WWC2: variants seen among roughly 807,000 people sequenced by gnomAD.
The protein encoded by WWC2 is WW and C2 domain containing 2.
In WWC2, 101 loss-of-function variants were observed where a neutral mutation model predicts 138.5. That is an observed-to-expected ratio of 0.73 (90% CI 0.62 to 0.86). WWC2 has a LOEUF of 0.86. Among genes scored for constraint, WWC2 ranks in the 40% least tolerant of loss-of-function variants. The pLI, the probability that WWC2 is intolerant of heterozygous loss-of-function variation, is 0.00. For synonymous variants in WWC2, 558 were observed against 538.4 expected, an observed-to-expected ratio of 1.04 and a Z score of -0.50; for missense variants, 1,420 against 1,419.4, an observed-to-expected ratio of 1.00 and a Z score of -0.01.
intron 1 of WWC2, among the ~76,000 whole-genome samples, chr4:183,183,860 C>A (rs958835514): frequency 6.6e-6 from 1 of 151,606 alleles, no homozygotes; most frequent in Non-Finnish European, 1.5e-5. Context: ...TTGTATTTGG[C>A]GTTTCTTTTT....
rs151110173 is a variant in WWC2 at position 183,162,511 on chromosome 4, C to T, written c.132-31088C>T. ...ACTTTCCTTCAGCAAACATCACCAT[C>T]GTTTTATTGTCTTTATTGAACTCTT... On this transcript the variant is annotated intron_variant, in intron 1 of 22. Coordinates refer to ENST00000403733, the MANE Select transcript of WWC2 (RefSeq NM_024949.6). Among the ~76,000 whole-genome samples the T allele has an allele frequency of 2.3e-3, 349 of 152,230 alleles. 2 individuals are homozygous for T. The highest frequency in any genetic ancestry group is 7.8e-3 in the African/African-American group (324 of 41,536).
At chr4:183,207,910 C>A in intron 2 of WWC2, 43 bp from the exon 3 acceptor site, 1 of 1,525,320 alleles carries the variant, frequency 6.6e-7, no homozygotes. Context: ...AGCCGGAAAA[C>A]AAAGTTAAAT....
intron 1 of WWC2, among the ~76,000 whole-genome samples, chr4:183,184,102 A>T (rs1734724315): frequency 6.6e-6 from 1 of 152,208 alleles, no homozygotes; most frequent in Admixed American, 6.5e-5. Context: ...GAACATTGTC[A>T]TCCTCCTCCA....
intron 21 of WWC2, among the ~76,000 whole-genome samples, chr4:183,300,763 T>A (rs1055572901): frequency 4.0e-5 from 6 of 151,002 alleles, no homozygotes; most frequent in Non-Finnish European, 8.9e-5. Context: ...TTTTTTTTTA[T>A]AAAACAAAGC....
At chr4:183,248,349 T>C (rs768899514) in intron 6 of WWC2, among the ~76,000 whole-genome samples, 4 of 152,236 alleles carry the variant, frequency 2.6e-5, no homozygotes, top group Non-Finnish European at 5.9e-5. Context: ...GTTATAGATA[T>C]TCTGTTTCCA....
chr4:183,215,884 C>T (rs978868163), intron 4 of WWC2, among the ~76,000 whole-genome samples: 1 of 152,016 alleles, frequency 6.6e-6, no homozygotes, highest in Non-Finnish European at 1.5e-5. Flanking sequence ...ATTAATTTTT[C>T]CTGTTAGAGA....
chr4:183,111,803 T>C (rs1732241060), intron 1 of WWC2, among the ~76,000 whole-genome samples: 1 of 151,632 alleles, frequency 6.6e-6, no homozygotes, highest in African/African-American at 2.4e-5. Context: ...CAGGTGATCC[T>C]CCCACCTCAG....
chr4:183,109,624 A>G (rs899723027), intron 1 of WWC2, among the ~76,000 whole-genome samples: 1 of 152,222 alleles, frequency 6.6e-6, no homozygotes, highest in Non-Finnish European at 1.5e-5. Flanking sequence ...TAATGCCACC[A>G]CTGATCTGAC....
At position 183,284,341 on chromosome 4, in the gene WWC2, T is replaced by C. The variant is rs1010305627; in HGVS notation, c.2999T>C (p.Val1000Ala). The C allele has an allele frequency of 1.2e-6, 2 of 1,613,898 alleles. No homozygotes were observed. Among genetic ancestry groups the C allele is most frequent in the Non-Finnish European group, 8.5e-7 (1 of 1,179,876 alleles). ...QHPFVRSSVI[V>A]RSQTFSPGER... The stretch of plus-strand genomic sequence containing the variant: ...CCGTTTGTGAGGAGCAGTGTGATAG[T>C]GCGCTCACAGACCTTTTCTCCAGGA... The change falls in exon 19 of 23, where the codon GTG (valine) becomes GCG (alanine). Residue 1000 changes from valine (V) to alanine (A), a missense_variant. By Grantham distance (64) the Val-to-Ala change is moderately conservative (BLOSUM62 0). Coordinates refer to ENST00000403733, the MANE Select transcript of WWC2 (RefSeq NM_024949.6).
chr4:183,174,865 G>T (rs956470042), intron 1 of WWC2, among the ~76,000 whole-genome samples: 4 of 151,030 alleles, frequency 2.6e-5, no homozygotes, highest in African/African-American at 9.8e-5. Flanking sequence ...AAGTATATAT[G>T]GTATATGTAA....
intron 11 of WWC2, among the ~76,000 whole-genome samples, chr4:183,262,684 C>T (rs1171369335): frequency 6.6e-6 from 1 of 152,000 alleles, no homozygotes; most frequent in Non-Finnish European, 1.5e-5. Context: ...AAGAAAATAA[C>T]CAGGGGAATG....
intron 14 of WWC2, 64 bp from the exon 15 acceptor site, chr4:183,268,907 G>A: frequency 1.4e-6 from 2 of 1,443,682 alleles, no homozygotes; most frequent in East Asian, 4.6e-5. Flanking sequence ...AATTTCAAAT[G>A]ATAGCTGTGA....
intron 1 of WWC2, among the ~76,000 whole-genome samples, chr4:183,122,020 C>T (rs980367468): frequency 2.6e-5 from 4 of 152,202 alleles, no homozygotes; most frequent in South Asian, 4.1e-4. Flanking sequence ...CTCCTGGCTT[C>T]GTGATCCGCC....
chr4:183,306,812 C>A (rs150542811), intron 21 of WWC2, among the ~76,000 whole-genome samples: 1,920 of 149,720 alleles, frequency 0.013, 19 homozygotes, highest in Non-Finnish European at 0.018. Context: ...CAGGCATGAG[C>A]CACTGTGCCC....
chr4:183,272,867 G>T (rs1480548662), intron 16 of WWC2, among the ~76,000 whole-genome samples: 6 of 152,088 alleles, frequency 3.9e-5, no homozygotes, highest in African/African-American at 1.4e-4. Context: ...GGGCATTTGG[G>T]TTGTTTCCAC....
In WWC2 at chr4:183,161,547, A is replaced by G. The variant is rs78815609; in HGVS notation, c.132-32052A>G. ...TTCGAATTGAACATAGAGTTATAGA[A>G]GAAACACAGTCACACGCTGCATAAG... On this transcript the variant is annotated intron_variant, in intron 1 of 22. Coordinates refer to ENST00000403733, the MANE Select transcript of WWC2 (RefSeq NM_024949.6). Among the ~76,000 whole-genome samples the G allele has an allele frequency of 3.1e-3, 472 of 152,338 alleles. 2 individuals carry two copies. The highest frequency in any genetic ancestry group is 4.4e-3 in the Non-Finnish European group (302 of 68,032).
chr4:183,142,650 A>G (rs201999394), intron 1 of WWC2, among the ~76,000 whole-genome samples: 16 of 152,220 alleles, frequency 1.1e-4, no homozygotes, highest in Admixed American at 5.9e-4. Flanking sequence ...TAATGTTTCA[A>G]ATGGTGGTTT....
intron 1 of WWC2, among the ~76,000 whole-genome samples, chr4:183,102,004 C>G (rs1743196451): frequency 6.6e-6 from 1 of 152,106 alleles, no homozygotes; most frequent in Non-Finnish European, 1.5e-5. Context: ...GTAGGGGAGG[C>G]TAGGGCATTT....
chr4:183,231,630 G>C (rs1436861812), intron 4 of WWC2, among the ~76,000 whole-genome samples: 1 of 152,108 alleles, frequency 6.6e-6, no homozygotes, highest in Non-Finnish European at 1.5e-5. Context: ...GATTCAACGA[G>C]GAATGAGTGC....
Sources: allele counts gnomAD v4.1 joint callset (sites outside exome capture counted in the v4.1 genomes callset), GRCh38; gene constraint gnomAD v4.1.1; transcripts MANE v1.5; gene names NCBI Gene and HGNC (gene_info 2026-07-23, HGNC 2026-07-21).